CIMAP1A: variants seen among roughly 807,000 people sequenced by gnomAD.
CIMAP1A encodes cancer/testis antigen 135.
chr11:199,241 G>A, the CIMAP1A span: 1 of 1,482,308 alleles, frequency 6.7e-7, no homozygotes, highest in Non-Finnish European at 9.0e-7. Flanking sequence ...AAGACAGAAG[G>A]GGACCTTGAT....
At chr11:198,263 T>C in the CIMAP1A span, 3 of 1,614,032 alleles carry the variant, frequency 1.9e-6, no homozygotes, top group South Asian at 2.2e-5. Context: ...ACTCCATCTC[T>C]GCCCGGACAA....
chr11:197,904 G>A, the CIMAP1A span: 21 of 1,491,396 alleles, frequency 1.4e-5, no homozygotes, highest in Non-Finnish European at 8.9e-7. Flanking sequence ...TCTCTTGAGG[G>A]GTCACCATCG....
At chr11:199,671 G>GGGGGGC in the CIMAP1A span, 2 of 760,582 alleles carry the variant, frequency 2.6e-6, no homozygotes, top group Non-Finnish European at 3.7e-6. Context: ...GTGGGGTGGG[G>GGGGGGC]ATGGGAGGCA....
the CIMAP1A span, chr11:199,491 C>T: frequency 1.9e-5 from 30 of 1,557,814 alleles, no homozygotes; most frequent in African/African-American, 3.3e-4. Flanking sequence ...CAGGACCAGG[C>T]GCCCACAGCC....
the CIMAP1A span, chr11:199,996 C>CT: frequency 6.2e-7 from 1 of 1,614,122 alleles, no homozygotes; most frequent in Non-Finnish European, 8.5e-7. Flanking sequence ...ATCAAACACT[C>CT]TGATTACATG....
At chr11:197,248 G>A in the CIMAP1A span, 46 of 1,305,066 alleles carry the variant, frequency 3.5e-5, no homozygotes, top group Non-Finnish European at 4.6e-5. Context: ...GCCGGCATGG[G>A]ACAGGGCCGG....
chr11:199,049 T>G, the CIMAP1A span: 1 of 1,231,634 alleles, frequency 8.1e-7, no homozygotes, highest in Non-Finnish European at 1.0e-6. Flanking sequence ...ATGTTGATTT[T>G]GCCAGCCCCA....
chr11:199,473 C>A, the CIMAP1A span: 1 of 1,561,194 alleles, frequency 6.4e-7, no homozygotes, highest in Non-Finnish European at 8.7e-7. Flanking sequence ...GGGACAAGAC[C>A]CTCAAGCCAG....
chr11:198,946 C>T, the CIMAP1A span: 10 of 1,184,024 alleles, frequency 8.4e-6, no homozygotes, highest in Non-Finnish European at 1.1e-5. Context: ...GTTTCAGAAA[C>T]AGCCAGTGCA....
At chr11:200,193 T>C in the CIMAP1A span, 2 of 628,028 alleles carry the variant, frequency 3.2e-6, no homozygotes, top group Non-Finnish European at 5.4e-6. Context: ...TTTTCTATGC[T>C]ATTTTACCAT....
At chr11:197,249 ACAGG>A in the CIMAP1A span, 1 of 1,304,226 alleles carries the variant, frequency 7.7e-7, no homozygotes, top group Non-Finnish European at 1.1e-6. Flanking sequence ...CCGGCATGGG[ACAGG>A]GCCGGGCCTC....
At chr11:198,893 AG>A in the CIMAP1A span, 13 of 1,258,076 alleles carry the variant, frequency 1.0e-5, no homozygotes, top group Non-Finnish European at 1.2e-5. Context: ...GAAGAGGAGG[AG>A]GAAAAAATAA....
At chr11:197,873 G>A in the CIMAP1A span, 328 of 1,488,656 alleles carry the variant, frequency 2.2e-4, 3 homozygotes, top group East Asian at 7.3e-3. Flanking sequence ...AGCCATCCTG[G>A]CCCCTCCCGT....
At chr11:197,218 C>T in the CIMAP1A span, 2 of 877,224 alleles carry the variant, frequency 2.3e-6, no homozygotes, top group East Asian at 2.7e-5. Flanking sequence ...TCAGCAAGAG[C>T]AGGGTCGGGG....
the CIMAP1A span, chr11:197,906 TCA>T: frequency 6.7e-7 from 1 of 1,490,816 alleles, no homozygotes; most frequent in Non-Finnish European, 8.9e-7. Flanking sequence ...TCTTGAGGGG[TCA>T]CCATCGTGCC....
the CIMAP1A span, chr11:197,395 C>G: frequency 3.6e-5 from 58 of 1,601,692 alleles, no homozygotes; most frequent in Non-Finnish European, 4.6e-5. Flanking sequence ...ACCCAAGTAC[C>G]TGATTCCACC....
At chr11:199,315 A>G in the CIMAP1A span, 33 of 1,548,016 alleles carry the variant, frequency 2.1e-5, no homozygotes, top group African/African-American at 2.7e-5. Context: ...CCTGTCCTCT[A>G]GGGCCACACG....
chr11:199,667 T>TGGGGGGGTGGGGG, the CIMAP1A span: 1 of 420,294 alleles, frequency 2.4e-6, no homozygotes, highest in East Asian at 7.7e-5. Context: ...AGGGGTGGGG[T>TGGGGGGGTGGGGG]GGGGATGGGA....
chr11:198,130 CCTT>C, the CIMAP1A span: 2 of 1,570,324 alleles, frequency 1.3e-6, no homozygotes, highest in Admixed American at 1.9e-5. Context: ...GGGGAGTCCT[CCTT>C]GAGCCCCCAA....
Sources: gnomAD v4.1 joint callset for allele counts on GRCh38, gnomAD v4.1.1 for gene constraint, MANE v1.5 for transcripts, NCBI Gene and HGNC (gene_info 2026-07-23, HGNC 2026-07-21) for gene names.